GON4L: variants seen among roughly 807,000 people sequenced by gnomAD.
The protein encoded by GON4L is GON-4-like protein.
A neutral mutation model predicts 211.8 loss-of-function variants in GON4L; 87 were observed. The observed-to-expected ratio is 0.41, with a 90% CI of 0.35 to 0.49. The LOEUF (loss-of-function observed/expected upper bound fraction) is 0.49. Among genes scored for constraint, GON4L ranks in the 20% least tolerant of loss-of-function variants. The probability of loss-of-function intolerance (pLI) is 0.15; values close to 1 mark genes in which losing one functional copy is unlikely to be tolerated. For missense variants in GON4L, 2,155 were observed against 2,659.5 expected (o/e 0.81, Z 4.17); for synonymous variants, 875 against 962.6 (o/e 0.91, Z 1.68).
At chr1:155,757,449 C>T (rs1216704851) in intron 25 of GON4L, 126 bp from the exon 26 acceptor site, 1 of 819,058 alleles carries the variant, frequency 1.2e-6, no homozygotes, top group African/African-American at 1.7e-5. Flanking sequence ...GAGACTCTGC[C>T]TGGTAACAAA....
Position 155,853,543 on chromosome 1 carries a change from A to G in GON4L, c.238T>C (p.Ser80Pro). The stretch of plus-strand genomic sequence containing the variant: ...TTTGTGTTCTGGGTGAGCATTCCAG[A>G]GCTCAGAGATGTATCCTCCATACCA... ...QLGMEDTSLS[S>P]GMLTQNTNVP... The change falls in exon 2 of 32, where the codon TCT becomes CCT. Residue 80 changes from serine (S) to proline (P), a missense_variant. Ser to Pro is a moderately conservative substitution (Grantham distance 74, BLOSUM62 -1). Coordinates refer to ENST00000368331, the MANE Select transcript of GON4L (RefSeq NM_001282860.2). 6.2e-7 allele frequency: 1 copy of G among 1,614,198 alleles called. No individual in the cohort carries two copies. Among genetic ancestry groups the G allele is most frequent in the South Asian group, 1.1e-5 (1 of 91,086 alleles).
upstream of GON4L, among the ~76,000 whole-genome samples, chr1:155,858,876 T>C (rs1198479228): frequency 6.6e-6 from 1 of 151,960 alleles, no homozygotes; most frequent in East Asian, 1.9e-4. Flanking sequence ...GTATTTTTAG[T>C]AGAGATGGGG....
chr1:155,757,361 A>C, intron 25 of GON4L, 38 bp from the exon 26 acceptor site: 2 of 1,597,112 alleles, frequency 1.3e-6, no homozygotes, highest in Non-Finnish European at 1.7e-6. Context: ...AAGTCTCCAG[A>C]GCCTCTCTAG....
downstream of GON4L, chr1:155,745,908 A>G: frequency 1.1e-6 from 1 of 910,768 alleles, no homozygotes; most frequent in Non-Finnish European, 1.6e-6. Context: ...TGGTGGAACC[A>G]GCAGGTGAGG....
chr1:155,856,239 C>A (rs1205255897), intron 1 of GON4L, among the ~76,000 whole-genome samples: 1 of 151,822 alleles, frequency 6.6e-6, no homozygotes, highest in African/African-American at 2.4e-5. Flanking sequence ...CTCTCTCTTT[C>A]TTTCCAGAGA....
chr1:155,759,965 T>TTATATA (rs34443325), intron 24 of GON4L, among the ~76,000 whole-genome samples: 7 of 144,278 alleles, frequency 4.9e-5, no homozygotes, highest in East Asian at 2.0e-4. Flanking sequence ...ATTTTATATA[T>TTATATA]TATATATATA....
At chr1:155,821,829 T>C (rs1668767223) in intron 4 of GON4L, among the ~76,000 whole-genome samples, 1 of 152,208 alleles carries the variant, frequency 6.6e-6, no homozygotes, top group Non-Finnish European at 1.5e-5. Context: ...CTGAGGTAAG[T>C]AACTATATGC....
chr1:155,818,774 G>A lies in GON4L; in HGVS notation c.1014+1832C>T, dbSNP rs528008959. Among the ~76,000 whole-genome samples the A allele has an allele frequency of 4.6e-5, 7 of 152,200 alleles. No individual in the cohort carries two copies. The East Asian group carries it at 5.8e-4, about 13-fold the overall frequency. ...TCCTAGCACATTGGGAGGACAAGGC[G>A]GGCGATCACATGGGTCAATTGGAAA... On this transcript the variant is annotated intron_variant, in intron 6 of 31. Transcript: ENST00000368331.
chr1:155,754,401 G>A lies in GON4L; in HGVS notation c.5605C>T (p.Arg1869Trp), dbSNP rs750867514. 5.0e-6 allele frequency: 8 copies of A among 1,611,280 alleles called. No individual in the cohort carries two copies. Among genetic ancestry groups the A allele is most frequent in the Admixed American group, 1.7e-5 (1 of 59,962 alleles). Residue 1869 changes from arginine (R) to tryptophan (W), a missense_variant, in exon 28 of 32, where the codon CGG becomes TGG. Arg to Trp is a moderately radical substitution (Grantham distance 101). Coordinates refer to ENST00000368331, the MANE Select transcript of GON4L (RefSeq NM_001282860.2). Reference protein sequence around the residue: ...PDSKLKKSKRRSCSHCSSKVC... With the variant: ...PDSKLKKSKRWSCSHCSSKVC... ...TTGCTGCTACAGTGGCTACAGCTCC[G>A]CCTTTTGCTCTTCTTCAGCTTGGAA...
In GON4L at chr1:155,765,342, T is replaced by C; in HGVS notation, c.4131A>G (p.Leu1377=). Residue 1377 remains leucine (L), a synonymous_variant, in exon 21 of 32, where the codon TTA becomes TTG. Transcript: ENST00000368331. ...SAGEVTKQTV[L]QKEEERSQPT... is the part of the protein sequence containing the mutation. The stretch of plus-strand genomic sequence containing the variant: ...GCTGACTCCTCTCCTCTTCCTTCTG[T>C]AAGACTGTCTGTTTCGTTACTTCTC... 1 of 1,614,208 alleles carries C rather than the reference T, an allele frequency of 6.2e-7. No homozygotes were observed.
chr1:155,786,945 G>A (rs908391587), intron 12 of GON4L, among the ~76,000 whole-genome samples: 4 of 146,842 alleles, frequency 2.7e-5, no homozygotes, highest in African/African-American at 1.1e-4. Context: ...TTTTTGAGAC[G>A]GAGTCTTGCT....
chr1:155,749,755 C>G lies in GON4L; in HGVS notation c.*829G>C. 1 of 611,746 alleles carries G rather than the reference C, an allele frequency of 1.6e-6. No homozygotes were observed. The allele number at this position is 611,746 out of a possible 1,614,324, so 37.9% of individuals were successfully genotyped here. On this transcript the variant is annotated 3_prime_UTR_variant, in exon 32 of 32. Transcript: ENST00000368331. Reference sequence around the variant, plus strand: ...ATTCCTTTATTCACCCTATGGCTCCCAAGAAAAGCATTCTTCCTCTGGAGT... The same window carrying G: ...ATTCCTTTATTCACCCTATGGCTCCGAAGAAAAGCATTCTTCCTCTGGAGT...
rs1434421310 is a variant in GON4L at position 155,809,115 on chromosome 1, T to C, written c.1453-3974A>G. 2.6e-5 allele frequency among the ~76,000 whole-genome samples: 4 copies of C among 152,124 alleles called. No individual in the cohort carries two copies. In the East Asian group the frequency reaches 7.7e-4, roughly 29 times the overall value. On this transcript the variant is annotated intron_variant, in intron 10 of 31. Coordinates refer to ENST00000368331, the MANE Select transcript of GON4L (RefSeq NM_001282860.2). ...TTTTTGGAGAGATGGAGTCTCACTA[T>C]ATTGCCTAGGCTGGTCTCAAACTCC... is the stretch of plus-strand genomic sequence containing the variant.
At chr1:155,824,191 G>A (rs1571867431) in intron 3 of GON4L, among the ~76,000 whole-genome samples, 1 of 151,780 alleles carries the variant, frequency 6.6e-6, no homozygotes, top group East Asian at 1.9e-4. Flanking sequence ...GGGAAGCCAA[G>A]GCGGGCAGAT....
Position 155,784,027 on chromosome 1 carries a change from T to C in GON4L, c.1851A>G (p.Val617=), listed in dbSNP as rs150709993. 6 of 1,613,952 alleles carry C rather than the reference T, an allele frequency of 3.7e-6. No individual in the cohort carries two copies. The South Asian group carries it at 4.4e-5, about 12-fold the overall frequency. ...EDDGPEEEEC[V]AEPRPNFNTP... ...TGTTAAAGTTAGGACGAGGCTCAGC[T>C]ACACACTCCTCCTCTTCTGGGCCAT... Residue 617 remains valine (V), a synonymous_variant, in exon 14 of 32, where the codon GTA becomes GTG. Transcript: ENST00000368331.
intron 11 of GON4L, among the ~76,000 whole-genome samples, chr1:155,802,751 T>A (rs1037497833): frequency 8.5e-5 from 13 of 152,068 alleles, no homozygotes; most frequent in African/African-American, 4.8e-5. Context: ...AGCGCAGGAG[T>A]TCGAGACCAG....
At position 155,822,415 on chromosome 1, in the gene GON4L, T is replaced by A. The variant is rs1186679195; in HGVS notation, c.759A>T (p.Lys253Asn). ...RRKKKKGTKR[K>N]RDGRGQEGTL... ...TCCCTTCTTGACCCCTTCCATCTCG[T>A]TTCCTCTTGGTACCCTTTTTCTTTT... Residue 253 changes from lysine to asparagine, a missense_variant, in exon 4 of 32, where the codon AAA (lysine) becomes AAT (asparagine). Transcript: ENST00000368331. The A allele has an allele frequency of 1.9e-6, 3 of 1,613,940 alleles. No homozygotes were observed. In the Admixed American group the frequency reaches 5.0e-5, roughly 27 times the overall value.
chr1:155,841,121 T>G (rs986835083), intron 2 of GON4L, among the ~76,000 whole-genome samples: 1 of 152,260 alleles, frequency 6.6e-6, no homozygotes, highest in Admixed American at 6.5e-5. Context: ...TTAATATAAC[T>G]TATTCTATGC....
chr1:155,794,252 A>G (rs1250808397), intron 12 of GON4L, among the ~76,000 whole-genome samples: 2 of 152,014 alleles, frequency 1.3e-5, no homozygotes, highest in Non-Finnish European at 2.9e-5. Context: ...TTGTATTTTT[A>G]GTAGAGACAG....
Sources: allele counts gnomAD v4.1 joint callset (sites outside exome capture counted in the v4.1 genomes callset), GRCh38; gene constraint gnomAD v4.1.1; transcripts MANE v1.5; gene names NCBI Gene and HGNC (gene_info 2026-07-23, HGNC 2026-07-21).